Variants in RRN3 observed in about 807,000 individuals in gnomAD.
The protein encoded by RRN3 is RNA polymerase I transcription factor RRN3.
Under a neutral mutation model 82.3 loss-of-function variants are expected in RRN3, and 38 were observed. The observed-to-expected ratio is 0.46, with a 90% CI of 0.36 to 0.61. The LOEUF is 0.61. RRN3 is among the 20% of genes least tolerant of loss of function. RRN3 has a pLI of 0.00. For missense variants in RRN3, 726 were observed against 793.1 expected (o/e 0.92, Z 1.02); for synonymous variants, 284 against 284.3 (o/e 1.00, Z 0.01).
chr16:15,087,512 C>A (rs1000652440), intron 3 of RRN3, among the ~76,000 whole-genome samples: 5 of 152,282 alleles, frequency 3.3e-5, no homozygotes, highest in African/African-American at 1.2e-4. Flanking sequence ...CCCTTTTCCC[C>A]ACCTTAATTC....
chr16:15,080,711 T>G (rs1423462854), intron 8 of RRN3, among the ~76,000 whole-genome samples: 2 of 152,200 alleles, frequency 1.3e-5, no homozygotes, highest in Non-Finnish European at 2.9e-5. Context: ...CATAAGCCAC[T>G]GCGCCCAGCC....
intron 8 of RRN3, among the ~76,000 whole-genome samples, chr16:15,081,158 G>A (rs1315651583): frequency 1.3e-5 from 2 of 152,138 alleles, no homozygotes; most frequent in Non-Finnish European, 2.9e-5. Context: ...AGGCTATTAT[G>A]GATGATGCTG....
rs1387637113 is a variant in RRN3, at chr16:15,065,344, G to A, written c.1581C>T (p.Thr527=). The A allele has an allele frequency of 1.9e-6, 3 of 1,613,550 alleles. No individual in the cohort carries two copies. Among genetic ancestry groups the A allele is most frequent in the Non-Finnish European group, 2.5e-6 (3 of 1,179,628 alleles). The stretch of plus-strand genomic sequence containing the variant: ...TCTGGCGATTGTTCCTCTCAATGAT[G>A]GTGTAGCAGAAGACGAGCTGGTACT... ...TNKYQLVFCY[T]IIERNNRQML... The change falls in exon 16 of 18, where the codon ACC becomes ACT. Residue 527 remains threonine (T), a synonymous_variant. Coordinates refer to ENST00000198767, the MANE Select transcript of RRN3 (RefSeq NM_018427.5).
At chr16:15,076,982 T>TC (rs2045485448) in intron 9 of RRN3, among the ~76,000 whole-genome samples, 1 of 147,740 alleles carries the variant, frequency 6.8e-6, no homozygotes, top group African/African-American at 2.5e-5. Flanking sequence ...CCAAATCACT[T>TC]TTTTTTTTTT....
chr16:15,079,670 G>A (rs1347664940), intron 9 of RRN3, among the ~76,000 whole-genome samples: 1 of 151,426 alleles, frequency 6.6e-6, no homozygotes, highest in South Asian at 2.1e-4. Context: ...TCAGCTCACT[G>A]CAAGATCTGC....
intron 8 of RRN3, among the ~76,000 whole-genome samples, chr16:15,081,479 C>CT (rs2045700880): frequency 6.6e-6 from 1 of 152,148 alleles, no homozygotes; most frequent in Non-Finnish European, 1.5e-5. Flanking sequence ...TTTTCATGTG[C>CT]TTTTTTTGCA....
Position 15,094,194 on chromosome 16 carries a change from C to G in RRN3, c.40G>C (p.Ala14Pro), listed in dbSNP as rs542105378. The stretch of plus-strand genomic sequence containing the variant: ...TTAACTGCAGAGGACGAAGCGGCCG[C>G]ATCTCCCGGCAAACGCGTGTGAAGC... ...PLLHTRLPGD[A>P]AASSSAVKKL... is the part of the protein sequence containing the mutation. The change falls in exon 1 of 18, where the codon GCG (alanine) becomes CCG (proline). Residue 14 changes from alanine to proline, a missense_variant. Physicochemically the swap from Ala to Pro is conservative, Grantham distance 27. Transcript: ENST00000198767. 1 of 1,600,262 alleles carries G rather than the reference C, an allele frequency of 6.2e-7. No individual in the cohort carries two copies. The highest frequency in any genetic ancestry group is 1.3e-5 in the African/African-American group (1 of 74,816).
Position 15,083,536 on chromosome 16 carries a change from C to G in RRN3, c.643G>C (p.Val215Leu), listed in dbSNP as rs1319053973. 1 of 1,608,396 alleles carries G rather than the reference C, an allele frequency of 6.2e-7. No individual in the cohort carries two copies. The highest frequency in any genetic ancestry group is 1.7e-5 in the Admixed American group (1 of 59,128). ...MPILVEKFPF[V>L]RKSERTLECY... ...ACCAGTGTTCTCTCTGATTTTCGAA[C>G]AAATGGAAATTTTTCCACCAGTATT... The change falls in exon 8 of 18, where the codon GTT becomes CTT. Residue 215 changes from valine to leucine, a missense_variant. Coordinates refer to ENST00000198767, the MANE Select transcript of RRN3 (RefSeq NM_018427.5).
chr16:15,080,104 A>G lies in RRN3; in HGVS notation c.667-8T>C, dbSNP rs1200272773. On this transcript the variant is annotated splice_polypyrimidine_tract_variant and splice_region_variant and intron_variant, in intron 8 of 17. Transcript: ENST00000198767. ...GTTATGAACGTAACATTCCTAAAGG[A>G]GAAAATGTAAGATAAAACATTTCAA... 1.8e-5 allele frequency: 29 copies of G among 1,591,340 alleles called. No homozygotes were observed. Among genetic ancestry groups the G allele is most frequent in the Non-Finnish European group, 2.5e-5 (29 of 1,169,984 alleles).
intron 10 of RRN3, among the ~76,000 whole-genome samples, chr16:15,076,024 A>G (rs918091198): frequency 5.9e-5 from 9 of 152,154 alleles, no homozygotes; most frequent in South Asian, 2.1e-4. Context: ...CAAACTCTGT[A>G]GACCAATCCA....
chr16:15,080,154 T>C, intron 8 of RRN3, 58 bp from the exon 9 acceptor site: 5 of 1,524,128 alleles, frequency 3.3e-6, no homozygotes, highest in South Asian at 1.3e-5. Flanking sequence ...TTCACAGTTA[T>C]GTAAGCAAAA....
intron 14 of RRN3, among the ~76,000 whole-genome samples, chr16:15,069,302 G>A (rs989685313): frequency 3.9e-5 from 6 of 152,138 alleles, no homozygotes; most frequent in African/African-American, 7.2e-5. Flanking sequence ...AGCCCCCGAC[G>A]ATGAAGGATG....
chr16:15,085,805 AT>A, intron 5 of RRN3, 107 bp from the exon 6 acceptor site: 3 of 1,472,236 alleles, frequency 2.0e-6, no homozygotes, highest in Non-Finnish European at 1.8e-6. Flanking sequence ...AAAAAAAGTT[AT>A]TTTTCCATAA....
At chr16:15,076,788 A>G (rs1383764207) in intron 9 of RRN3, 138 bp from the exon 10 acceptor site, 3 of 642,102 alleles carry the variant, frequency 4.7e-6, no homozygotes, top group Non-Finnish European at 8.4e-6. Flanking sequence ...AACACAATAC[A>G]CAATTATGGT....
chr16:15,082,311 G>C (rs2045741248), intron 8 of RRN3, among the ~76,000 whole-genome samples: 1 of 152,024 alleles, frequency 6.6e-6, no homozygotes, highest in Non-Finnish European at 1.5e-5. Context: ...CATCTACTGA[G>C]ATGATTATGT....
At chr16:15,083,460 T>C in intron 8 of RRN3, 53 bp downstream of exon 8, 7 of 1,603,666 alleles carry the variant, frequency 4.4e-6, no homozygotes, top group Non-Finnish European at 5.9e-6. Flanking sequence ...TCATCTAAAA[T>C]GAAATCGTAC....
intron 3 of RRN3, among the ~76,000 whole-genome samples, chr16:15,090,296 A>T (rs2046081226): frequency 6.6e-6 from 1 of 152,164 alleles, no homozygotes; most frequent in South Asian, 2.1e-4. Context: ...AGAACAGTGG[A>T]CTTAAATGTG....
At chr16:15,089,230 G>A (rs1401965115) in intron 3 of RRN3, among the ~76,000 whole-genome samples, 1 of 152,054 alleles carries the variant, frequency 6.6e-6, no homozygotes, top group Non-Finnish European at 1.5e-5. Context: ...GGCAGAGGTT[G>A]CAGTGAGCCA....
chr16:15,076,610 G>C lies in RRN3; in HGVS notation c.806C>G (p.Thr269Arg), dbSNP rs765553159. 17 of 1,613,204 alleles carry C rather than the reference G, an allele frequency of 1.1e-5. No individual in the cohort carries two copies. The Admixed American group carries it at 2.7e-4, about 25-fold the overall frequency. Reference sequence around the variant, plus strand: ...TGTCCCACCACAAGTTTGAGTTGCTGTTTCTTCAGCATCTTCAATACCCTG... The same window carrying C: ...TGTCCCACCACAAGTTTGAGTTGCTCTTTCTTCAGCATCTTCAATACCCTG... ...SRQGIEDAEE[T>R]ATQTCGGTDS... is the part of the protein sequence containing the mutation. The change falls in exon 10 of 18, where the codon ACA becomes AGA. Residue 269 changes from threonine to arginine, a missense_variant. Around this residue, in one of 4 missense-constraint regions of RRN3, gnomAD observed 344 missense variants for 394.5 expected, o/e 0.87. Coordinates refer to ENST00000198767, the MANE Select transcript of RRN3 (RefSeq NM_018427.5).
Sources: allele counts gnomAD v4.1 joint callset (sites outside exome capture counted in the v4.1 genomes callset), GRCh38; gene constraint gnomAD v4.1.1; regional missense constraint gnomAD v4.1.1; transcripts MANE v1.5; gene names NCBI Gene and HGNC (gene_info 2026-07-23, HGNC 2026-07-21).